Variants in EMP2 observed in about 807,000 individuals in gnomAD.
EMP2 encodes epithelial membrane protein 2.
EMP2 carries 19 observed loss-of-function variants against 13.7 expected under a neutral mutation model. The observed-to-expected ratio is 1.38, with a 90% CI of 0.97 to 2.03. The LOEUF is 2.03. EMP2 is among the 30% of genes most tolerant of loss of function. EMP2 has a pLI of 0.00. For synonymous variants in EMP2, 97 were observed against 84.7 expected (o/e 1.15, Z -0.80); for missense variants, 253 against 220.7 (o/e 1.15, Z -0.93).
At chr16:10,574,640 G>A (rs1005032618) in intron 1 of EMP2, among the ~76,000 whole-genome samples, 5 of 151,940 alleles carry the variant, frequency 3.3e-5, no homozygotes, top group Admixed American at 6.6e-5. Context: ...CTCACTGCAA[G>A]CTCTGGGTTC....
At chr16:10,572,713 C>T (rs2050956656) in intron 1 of EMP2, among the ~76,000 whole-genome samples, 1 of 152,306 alleles carries the variant, frequency 6.6e-6, no homozygotes, top group East Asian at 1.9e-4. Flanking sequence ...CTCCTCGACC[C>T]TCCACATGTC....
chr16:10,552,391 T>C (rs938793998), intron 1 of EMP2, among the ~76,000 whole-genome samples: 26 of 152,156 alleles, frequency 1.7e-4, no homozygotes, highest in African/African-American at 5.8e-4. Flanking sequence ...GGAATTAAAA[T>C]GTTATAAGGC....
rs2050614288 is a variant in EMP2, at chr16:10,532,751, CTTTTTTCTT to C, written c.*145_*153del. ...CTTCTCTCTTTTGGATTTTTTTTTT[CTTTTTTCTT>C]TTTTTTTTTTTTTTTTTTTTTTTTT... is the stretch of plus-strand genomic sequence containing the variant. On this transcript the variant is annotated 3_prime_UTR_variant, in exon 5 of 5. Transcript: ENST00000359543. The C allele has an allele frequency of 5.0e-6, 1 of 199,580 alleles. No individual in the cohort carries two copies. The highest frequency in any genetic ancestry group is 6.9e-6 in the Non-Finnish European group (1 of 145,886). The allele number at this position is 199,580 out of a possible 1,614,324, so 12.4% of individuals were successfully genotyped here.
chr16:10,554,223 G>A (rs2050810690), intron 1 of EMP2, among the ~76,000 whole-genome samples: 1 of 152,044 alleles, frequency 6.6e-6, no homozygotes, highest in Non-Finnish European at 1.5e-5. Flanking sequence ...GTAAAGACAG[G>A]GTTTCACTAT....
At chr16:10,572,384 C>G (rs1055727210) in intron 1 of EMP2, among the ~76,000 whole-genome samples, 2 of 151,904 alleles carry the variant, frequency 1.3e-5, no homozygotes, top group Admixed American at 1.3e-4. Context: ...GTGTTCGCGG[C>G]TGCCGTGAGC....
intron 1 of EMP2, among the ~76,000 whole-genome samples, chr16:10,564,105 G>A (rs1195374332): frequency 6.6e-6 from 1 of 152,258 alleles, no homozygotes; most frequent in Non-Finnish European, 1.5e-5. Context: ...GCAAATTAGG[G>A]AGTGGGTTAT....
chr16:10,565,616 A>G (rs934605957), intron 1 of EMP2, among the ~76,000 whole-genome samples: 1 of 151,832 alleles, frequency 6.6e-6, no homozygotes, highest in African/African-American at 2.4e-5. Context: ...ATATAGCATC[A>G]CTCTCTCAGG....
intron 1 of EMP2, among the ~76,000 whole-genome samples, chr16:10,579,299 C>A (rs558789785): frequency 1.3e-5 from 2 of 152,126 alleles, no homozygotes; most frequent in Non-Finnish European, 2.9e-5. Flanking sequence ...AATAATGTGT[C>A]GGTTCTTAGA....
At chr16:10,573,192 G>A (rs2050959658) in intron 1 of EMP2, among the ~76,000 whole-genome samples, 1 of 152,176 alleles carries the variant, frequency 6.6e-6, no homozygotes, top group Non-Finnish European at 1.5e-5. Flanking sequence ...TGGGGCTACA[G>A]GTGTGTGTCA....
rs878927571 is a variant in EMP2 at position 10,532,758 on chromosome 16, CTTTTTTTT to C, written c.*139_*146del. On this transcript the variant is annotated 3_prime_UTR_variant, in exon 5 of 5. Transcript: ENST00000359543. ...CTTTTGGATTTTTTTTTTCTTTTTT[CTTTTTTTT>C]TTTTTTTTTTTTTTTTTTTTGGCTT... 158 of 184,838 alleles carry C rather than the reference CTTTTTTTT, an allele frequency of 8.5e-4. 10 individuals are homozygous for C. Among genetic ancestry groups the C allele is most frequent in the Non-Finnish European group, 9.1e-4 (111 of 121,676 alleles). 11.4% of individuals were successfully genotyped at this position (184,838 alleles called of 1,614,324 possible). A position where few individuals can be genotyped will look rare whatever the true frequency, so the allele number is the denominator to read the frequency against.
intron 1 of EMP2, among the ~76,000 whole-genome samples, chr16:10,549,489 T>C (rs1437338106): frequency 6.6e-6 from 1 of 152,206 alleles, no homozygotes; most frequent in Non-Finnish European, 1.5e-5. Flanking sequence ...AAAACTCAAA[T>C]GTCAAGGGAA....
chr16:10,558,793 A>G (rs934082532), intron 1 of EMP2, among the ~76,000 whole-genome samples: 7 of 151,976 alleles, frequency 4.6e-5, no homozygotes. Context: ...CCAGGGAACA[A>G]GAGTCAGAGA....
chr16:10,544,245 T>C (rs1464497637), intron 2 of EMP2: 1 of 154,338 alleles, frequency 6.5e-6, no homozygotes, highest in East Asian at 1.9e-4. Flanking sequence ...CGATGCATGA[T>C]CTTGGCTCAC....
intron 1 of EMP2, among the ~76,000 whole-genome samples, chr16:10,556,110 T>C (rs1353365102): frequency 6.6e-6 from 1 of 152,216 alleles, no homozygotes. Flanking sequence ...ATGATTGCTA[T>C]ATAAATATTG....
At chr16:10,547,507 G>A (rs1034361785) in intron 2 of EMP2, 33 bp downstream of exon 2, 3 of 1,611,912 alleles carry the variant, frequency 1.9e-6, no homozygotes, top group East Asian at 2.2e-5. Flanking sequence ...CAGGACCCAG[G>A]TTTCTGCGTG....
intron 1 of EMP2, among the ~76,000 whole-genome samples, chr16:10,557,127 C>T (rs1467913595): frequency 4.6e-5 from 7 of 152,240 alleles, no homozygotes; most frequent in East Asian, 1.9e-4. Context: ...GAGGCTGAGG[C>T]GGGCAGATCG....
At chr16:10,536,145 C>T (rs1043986883) in intron 4 of EMP2, among the ~76,000 whole-genome samples, 2 of 152,166 alleles carry the variant, frequency 1.3e-5, no homozygotes, top group Non-Finnish European at 2.9e-5. Context: ...TAAAAGTGCC[C>T]CAAGGGGAGG....
chr16:10,547,748 C>T (rs953297256), intron 1 of EMP2, 71 bp from the exon 2 acceptor site: 14 of 892,764 alleles, frequency 1.6e-5, no homozygotes, highest in Non-Finnish European at 2.4e-5. Context: ...AAAATAAACA[C>T]CTTTTAGCTG....
intron 1 of EMP2, among the ~76,000 whole-genome samples, chr16:10,574,485 T>C (rs1210494197): frequency 6.6e-6 from 1 of 152,110 alleles, no homozygotes; most frequent in African/African-American, 2.4e-5. Context: ...CACTCAGCAC[T>C]GAAGACAAAC....
Sources: gnomAD v4.1 joint callset for allele counts (sites outside exome capture counted in the v4.1 genomes callset) on GRCh38, gnomAD v4.1.1 for gene constraint, MANE v1.5 for transcripts, NCBI Gene and HGNC (gene_info 2026-07-23, HGNC 2026-07-21) for gene names.